Variants in CREB5 observed in about 807,000 individuals in gnomAD.
CREB5 encodes cAMP responsive element binding protein 5.
In CREB5, 19 loss-of-function variants were observed where a neutral mutation model predicts 57.1. That is an observed-to-expected ratio of 0.33 (90% CI 0.23 to 0.49). The LOEUF is 0.49. Among genes scored for constraint, CREB5 ranks in the 20% least tolerant of loss-of-function variants. The pLI is 0.99. For synonymous variants in CREB5, 238 were observed against 238.3 expected (o/e 1.00, Z 0.01); for missense variants, 579 against 671.6 (o/e 0.86, Z 1.52).
intron 1 of CREB5, among the ~76,000 whole-genome samples, chr7:28,315,805 G>A (rs1488955889): frequency 6.6e-6 from 1 of 152,150 alleles, no homozygotes; most frequent in Non-Finnish European, 1.5e-5. Flanking sequence ...CTTCCAATGT[G>A]TTCCCTTCTG....
chr7:28,787,041 G>A (rs1414066505), intron 7 of CREB5, among the ~76,000 whole-genome samples: 7 of 152,204 alleles, frequency 4.6e-5, no homozygotes, highest in Non-Finnish European at 7.3e-5. Flanking sequence ...AGAATTTAGC[G>A]ACGGCCTGGA....
intron 1 of CREB5, among the ~76,000 whole-genome samples, chr7:28,344,719 A>T (rs931256363): frequency 8.6e-5 from 13 of 152,044 alleles, no homozygotes; most frequent in African/African-American, 3.1e-4. Context: ...GGCTAAGTGG[A>T]TTTAAAAAAA....
intron 5 of CREB5, among the ~76,000 whole-genome samples, chr7:28,593,810 C>T (rs550034489): frequency 6.6e-6 from 1 of 152,270 alleles, no homozygotes; most frequent in South Asian, 2.1e-4. Flanking sequence ...AGCCAGAGAT[C>T]CAAGGGAGGA....
upstream of CREB5, chr7:28,410,084 G>C (rs1033147078): frequency 3.3e-5 from 13 of 397,992 alleles, no homozygotes; most frequent in African/African-American, 2.8e-4. Context: ...GCGCGCGCAG[G>C]GGGCTCGCTC....
At chr7:28,687,384 G>T (rs567536822) in intron 5 of CREB5, among the ~76,000 whole-genome samples, 1 of 151,584 alleles carries the variant, frequency 6.6e-6, no homozygotes, top group South Asian at 2.1e-4. Flanking sequence ...TACAGGGAGA[G>T]GGGGCAAAGG....
chr7:28,350,088 T>C (rs920285437), intron 1 of CREB5, among the ~76,000 whole-genome samples: 1 of 152,230 alleles, frequency 6.6e-6, no homozygotes, highest in African/African-American at 2.4e-5. Context: ...TCAGCCATCA[T>C]TGGTGGGATG....
chr7:28,810,317 A>G (rs547377960), intron 9 of CREB5, among the ~76,000 whole-genome samples: 2 of 152,272 alleles, frequency 1.3e-5, no homozygotes, highest in Non-Finnish European at 2.9e-5. Flanking sequence ...CAGTGCTTCC[A>G]GAAGCTGAGA....
At chr7:28,473,583 G>A (rs920223097) in intron 1 of CREB5, among the ~76,000 whole-genome samples, 1 of 152,144 alleles carries the variant, frequency 6.6e-6, no homozygotes, top group African/African-American at 2.4e-5. Flanking sequence ...GTAGGTCCTC[G>A]GGAGACTTTT....
chr7:28,787,997 A>G (rs1430758162), intron 7 of CREB5, among the ~76,000 whole-genome samples: 1 of 152,210 alleles, frequency 6.6e-6, no homozygotes, highest in Admixed American at 6.5e-5. Flanking sequence ...CAATTTTAAT[A>G]CCACATGATA....
chr7:28,414,549 C>T (rs574845865), intron 1 of CREB5, among the ~76,000 whole-genome samples: 88 of 152,248 alleles, frequency 5.8e-4, no homozygotes, highest in Admixed American at 1.4e-3. Context: ...GCTAAACAGA[C>T]TTAAAGACAC....
chr7:28,367,021 ACTAT>A (rs140908998), intron 1 of CREB5, among the ~76,000 whole-genome samples: 15,518 of 152,124 alleles, frequency 0.1, 973 homozygotes, highest in Middle Eastern at 0.15. Flanking sequence ...TCTCCTTAAA[ACTAT>A]CTGTGCATAT....
chr7:28,400,676 T>C (rs1483615136), intron 1 of CREB5, among the ~76,000 whole-genome samples: 1 of 152,222 alleles, frequency 6.6e-6, no homozygotes, highest in Non-Finnish European at 1.5e-5. Flanking sequence ...TCCCAGATTT[T>C]AAATATTCTG....
intron 1 of CREB5, among the ~76,000 whole-genome samples, chr7:28,337,501 A>T (rs750322526): frequency 6.6e-6 from 1 of 151,360 alleles, no homozygotes; most frequent in Non-Finnish European, 1.5e-5. Context: ...TTAGTCTGAT[A>T]TAAGTATAGC....
intron 5 of CREB5, among the ~76,000 whole-genome samples, chr7:28,662,601 A>G (rs1335908691): frequency 6.6e-6 from 1 of 152,226 alleles, no homozygotes; most frequent in African/African-American, 2.4e-5. Context: ...ACTTACCTAC[A>G]GACGATGAGC....
chr7:28,573,206 C>T (rs1795772347), intron 5 of CREB5, among the ~76,000 whole-genome samples: 1 of 152,134 alleles, frequency 6.6e-6, no homozygotes. Flanking sequence ...TTTGAAAACA[C>T]GAGTTCCCTC....
chr7:28,519,233 T>C (rs1431535911), intron 4 of CREB5, among the ~76,000 whole-genome samples: 1 of 151,950 alleles, frequency 6.6e-6, no homozygotes, highest in Non-Finnish European at 1.5e-5. Flanking sequence ...TTTTTTTCTT[T>C]ATTTGTATTA....
At chr7:28,659,922 A>G (rs1240643886) in intron 5 of CREB5, among the ~76,000 whole-genome samples, 1 of 152,188 alleles carries the variant, frequency 6.6e-6, no homozygotes, top group Non-Finnish European at 1.5e-5. Context: ...TAGAAGACAT[A>G]ATAAGAACAG....
At chr7:28,321,475 A>G (rs1374355781) in intron 1 of CREB5, among the ~76,000 whole-genome samples, 4 of 152,112 alleles carry the variant, frequency 2.6e-5, no homozygotes, top group Non-Finnish European at 5.9e-5. Flanking sequence ...TTGGCTATTT[A>G]TTGACCCATC....
At chr7:28,730,930 T>A (rs1175334071) in intron 7 of CREB5, among the ~76,000 whole-genome samples, 2 of 152,158 alleles carry the variant, frequency 1.3e-5, no homozygotes, top group Non-Finnish European at 2.9e-5. Flanking sequence ...TTTATAAAAA[T>A]AAAGCTCAGT....
Sources: gnomAD v4.1 joint callset for allele counts (sites outside exome capture counted in the v4.1 genomes callset) on GRCh38, gnomAD v4.1.1 for gene constraint, MANE v1.5 for transcripts, NCBI Gene and HGNC (gene_info 2026-07-23, HGNC 2026-07-21) for gene names.